Variants in HOMER2 observed in about 807,000 individuals in gnomAD.
HOMER2 encodes homer scaffold protein 2.
A neutral mutation model predicts 47.0 loss-of-function variants in HOMER2; 27 were observed. The ratio of observed to expected loss-of-function variants is 0.57; its 90% confidence interval spans 0.42 to 0.79. The LOEUF (loss-of-function observed/expected upper bound fraction) is 0.79. Among genes scored for constraint, HOMER2 ranks in the 30% least tolerant of loss-of-function variants. The pLI, the probability that HOMER2 is intolerant of heterozygous loss-of-function variation, is 0.00. For missense variants in HOMER2, 443 were observed against 435.0 expected, an observed-to-expected ratio of 1.02 and a Z score of -0.16; for synonymous variants, 161 against 163.8, an observed-to-expected ratio of 0.98 and a Z score of 0.13.
chr15:82,955,117 C>CTTT (rs1775457589), upstream of HOMER2, among the ~76,000 whole-genome samples: 1 of 151,386 alleles, frequency 6.6e-6, no homozygotes, highest in Non-Finnish European at 1.5e-5. Context: ...TCATAACCTA[C>CTTT]TAAATTGATT....
At position 82,952,542 on chromosome 15, in the gene HOMER2, C is replaced by CGCTGCTCCGGCG. The variant is rs2054531046; in HGVS notation, c.-19_-8dup. 1.3e-5 allele frequency: 15 copies of CGCTGCTCCGGCG among 1,182,464 alleles called. No homozygotes were observed. In the South Asian group the frequency reaches 5.9e-4, roughly 46 times the overall value. 73.2% of individuals were successfully genotyped at this position (1,182,464 alleles called of 1,614,324 possible). ...GCGGGCTCACTCACCCCATCTCCGG[C>CGCTGCTCCGGCG]GCTGCTCCGGCGGCCGCTCCGACGG... On this transcript the variant is annotated 5_prime_UTR_variant, in exon 1 of 9. Coordinates refer to ENST00000450735, the MANE Select transcript of HOMER2 (RefSeq NM_004839.4).
rs1312673360 is a variant in HOMER2 at position 82,952,588 on chromosome 15, C to G, written c.-53G>C. ...GACGGGGCCTCTCGCGCTCGCTCTC[C>G]GCCCGCTCGGCAGCCGCTCCCCGCG... On this transcript the variant is annotated 5_prime_UTR_variant, in exon 1 of 9. Transcript: ENST00000450735. The G allele has an allele frequency of 3.3e-5, 38 of 1,143,716 alleles. No homozygotes were observed. The highest frequency in any genetic ancestry group is 7.5e-6 in the Non-Finnish European group (7 of 931,834). 70.8% of individuals were successfully genotyped at this position (1,143,716 alleles called of 1,614,324 possible). A position where few individuals can be genotyped will look rare whatever the true frequency, so the allele number is the denominator to read the frequency against.
chr15:82,907,624 C>T (rs1275344212), intron 1 of HOMER2, among the ~76,000 whole-genome samples: 1 of 152,058 alleles, frequency 6.6e-6, no homozygotes, highest in East Asian at 1.9e-4. Context: ...CGACATCAAC[C>T]AATGGGGTAT....
chr15:82,896,608 G>T (rs910339996), intron 1 of HOMER2, among the ~76,000 whole-genome samples: 1 of 152,322 alleles, frequency 6.6e-6, no homozygotes, highest in South Asian at 2.1e-4. Flanking sequence ...CCTGGGAGGG[G>T]TACTGCAGGG....
chr15:82,882,817 C>G (rs1431092235), intron 2 of HOMER2, among the ~76,000 whole-genome samples: 2 of 150,562 alleles, frequency 1.3e-5, no homozygotes, highest in Non-Finnish European at 3.0e-5. Flanking sequence ...ACAGTTTACA[C>G]AGAAGCTGAA....
intron 2 of HOMER2, among the ~76,000 whole-genome samples, chr15:82,877,769 C>T (rs998160248): frequency 2.6e-5 from 4 of 152,116 alleles, no homozygotes; most frequent in Admixed American, 2.0e-4. Flanking sequence ...TGTTTTCCAT[C>T]TGGAAAACTG....
Position 82,875,660 on chromosome 15 carries a change from G to A in HOMER2, c.163-256C>T, listed in dbSNP as rs1324966873. On this transcript the variant is annotated intron_variant, in intron 2 of 8. Coordinates refer to ENST00000450735, the MANE Select transcript of HOMER2 (RefSeq NM_004839.4). ...TAAAATAAGATCCTACACGTTATCCGTGGGAGAAAGTCTCTCCTAAACAAA... is the reference window on the plus strand; with the variant it reads ...TAAAATAAGATCCTACACGTTATCCATGGGAGAAAGTCTCTCCTAAACAAA... Among the ~76,000 whole-genome samples, 9 of 152,306 alleles carry A rather than the reference G, an allele frequency of 5.9e-5. No individual in the cohort carries two copies. The South Asian group carries it at 1.4e-3, about 25-fold the overall frequency.
chr15:82,980,937 C>T (rs769416286), intron 1 of HOMER2, among the ~76,000 whole-genome samples: 3 of 151,962 alleles, frequency 2.0e-5, no homozygotes, highest in Admixed American at 6.5e-5. Flanking sequence ...TTGTAAAATA[C>T]GCATGTCGGG....
intron 1 of HOMER2, among the ~76,000 whole-genome samples, chr15:82,983,658 G>A (rs1391474729): frequency 6.7e-6 from 1 of 149,764 alleles, no homozygotes. Context: ...GTGCAATCTC[G>A]GCTCACTGCA....
intron 3 of HOMER2, 138 bp downstream of exon 3, chr15:82,875,135 C>A (rs1266774394): frequency 7.3e-6 from 7 of 965,494 alleles, no homozygotes; most frequent in Non-Finnish European, 9.1e-6. Context: ...GCTTTGGCAG[C>A]CCCGTGATGC....
At chr15:82,873,248 C>T (rs1402005733) in intron 3 of HOMER2, among the ~76,000 whole-genome samples, 2 of 152,218 alleles carry the variant, frequency 1.3e-5, no homozygotes, top group East Asian at 1.9e-4. Flanking sequence ...AGGCTGATTC[C>T]ACTGGGCCCC....
intron 3 of HOMER2, among the ~76,000 whole-genome samples, chr15:82,868,541 A>ATTTTTTTTT (rs10678643): frequency 4.2e-5 from 3 of 71,264 alleles, no homozygotes; most frequent in Non-Finnish European, 5.7e-5. Flanking sequence ...ATATATATAT[A>ATTTTTTTTT]TTTTTTTTTT....
chr15:82,968,575 C>T (rs1324054422), intron 1 of HOMER2, among the ~76,000 whole-genome samples: 2 of 152,200 alleles, frequency 1.3e-5, no homozygotes, highest in African/African-American at 4.8e-5. Context: ...TCTTTCTTTA[C>T]CCAGATGGTA....
intron 1 of HOMER2, among the ~76,000 whole-genome samples, chr15:82,940,664 C>A (rs912310264): frequency 1.1e-4 from 17 of 152,058 alleles, no homozygotes; most frequent in African/African-American, 4.1e-4. Flanking sequence ...ATGGCGTGAA[C>A]CTGAGAGGTG....
At chr15:82,907,084 G>A (rs2053308223) in intron 1 of HOMER2, among the ~76,000 whole-genome samples, 1 of 152,220 alleles carries the variant, frequency 6.6e-6, no homozygotes, top group South Asian at 2.1e-4. Flanking sequence ...GCTGGGTGCG[G>A]TGGCTCACGC....
At chr15:82,971,341 A>G (rs1303106059) in intron 1 of HOMER2, among the ~76,000 whole-genome samples, 3 of 152,038 alleles carry the variant, frequency 2.0e-5, no homozygotes, top group Non-Finnish European at 4.4e-5. Context: ...GGTGATTCCT[A>G]TCCTTTCTCA....
intron 1 of HOMER2, among the ~76,000 whole-genome samples, chr15:82,972,946 C>T (rs1047921548): frequency 1.3e-5 from 2 of 152,190 alleles, no homozygotes; most frequent in African/African-American, 2.4e-5. Flanking sequence ...TCATTAAATT[C>T]GGAGTATACC....
At chr15:82,960,656 T>C (rs1432477849) in intron 1 of HOMER2, among the ~76,000 whole-genome samples, 1 of 152,196 alleles carries the variant, frequency 6.6e-6, no homozygotes, top group African/African-American at 2.4e-5. Context: ...TCAATTCAAA[T>C]GTAGCAAATA....
chr15:82,871,573 T>C (rs2052176367), intron 3 of HOMER2, among the ~76,000 whole-genome samples: 1 of 152,140 alleles, frequency 6.6e-6, no homozygotes, highest in Non-Finnish European at 1.5e-5. Context: ...GGGAAGAAGT[T>C]GATTTGAAAC....
Sources: allele counts gnomAD v4.1 joint callset (sites outside exome capture counted in the v4.1 genomes callset), GRCh38; gene constraint gnomAD v4.1.1; transcripts MANE v1.5; gene names NCBI Gene and HGNC (gene_info 2026-07-23, HGNC 2026-07-21).